The following RARS1 variants were observed in gnomAD, a reference collection of about 807,000 sequenced individuals.
The protein encoded by RARS1 is arginyl-tRNA synthetase 1, also known as arginine--tRNA ligase, cytoplasmic.
Under a neutral mutation model 78.7 loss-of-function variants are expected in RARS1, and 75 were observed. That is an observed-to-expected ratio of 0.95 (90% confidence interval 0.79 to 1.15). The LOEUF (loss-of-function observed/expected upper bound fraction) is 1.15, where lower values mean the gene tolerates loss of function less well. RARS1 is among the 50% of genes most tolerant of loss of function. The probability of loss-of-function intolerance (pLI) is 0.00; values close to 1 mark genes in which losing one functional copy is unlikely to be tolerated. For synonymous variants in RARS1, 273 were observed against 268.2 expected (o/e 1.02, Z -0.18); for missense variants, 787 against 787.5 (o/e 1.00, Z 0.01).
chr5:168,487,039 A>G (rs997502533), intron 1 of RARS1, among the ~76,000 whole-genome samples: 3 of 152,008 alleles, frequency 2.0e-5, no homozygotes, highest in African/African-American at 7.2e-5. Context: ...TGCCCTCAGC[A>G]TTCGTCGGGA....
intron 3 of RARS1, among the ~76,000 whole-genome samples, 155 bp from the exon 4 acceptor site, chr5:168,493,739 A>G (rs1758130286): frequency 6.6e-6 from 1 of 151,978 alleles, no homozygotes; most frequent in African/African-American, 2.4e-5. Context: ...CACTATTGAT[A>G]CTTTAATCTG....
At position 168,506,668 on chromosome 5, in the gene RARS1, C is replaced by CTT. The variant is rs34318878; in HGVS notation, c.1237-44_1237-43dup. The CTT allele has an allele frequency of 5.3e-3, 6,004 of 1,127,148 alleles. 4 individuals are homozygous for CTT. The highest frequency in any genetic ancestry group is 0.014 in the Middle Eastern group (68 of 4,710). The allele number at this position is 1,127,148 out of a possible 1,614,324, so 69.8% of individuals were successfully genotyped here. ...ATTCCTAAGCAAAAGAGCCTTAAGTCTTTTTTTTTTTCTTTAAAGAAGACT... is the reference window on the plus strand; with the variant it reads ...ATTCCTAAGCAAAAGAGCCTTAAGTCTTTTTTTTTTTTTCTTTAAAGAAGACT... On this transcript the variant is annotated intron_variant, in intron 10 of 14. Transcript: ENST00000231572.
chr5:168,514,544 TA>T (rs1758626678), intron 12 of RARS1, among the ~76,000 whole-genome samples: 1 of 152,222 alleles, frequency 6.6e-6, no homozygotes, highest in Non-Finnish European at 1.5e-5. Flanking sequence ...TAGTTTTCTT[TA>T]AACATTTTAA....
intron 7 of RARS1, among the ~76,000 whole-genome samples, chr5:168,499,343 G>A (rs1351543859): frequency 6.6e-6 from 1 of 152,086 alleles, no homozygotes; most frequent in African/African-American, 2.4e-5. Flanking sequence ...ATTCCCTATG[G>A]TGGAAGGATC....
chr5:168,490,512 C>T (rs1758061256), intron 2 of RARS1, among the ~76,000 whole-genome samples: 1 of 152,184 alleles, frequency 6.6e-6, no homozygotes, highest in East Asian at 1.9e-4. Flanking sequence ...GGAGAATGCT[C>T]TCACTGTATT....
intron 1 of RARS1, 112 bp downstream of exon 1, chr5:168,486,655 T>G: frequency 3.5e-6 from 4 of 1,152,022 alleles, no homozygotes; most frequent in Non-Finnish European, 5.0e-6. Context: ...CCTGGTCCTC[T>G]CAGAGTGGAG....
At chr5:168,492,428 T>C (rs1251764311) in intron 2 of RARS1, among the ~76,000 whole-genome samples, 2 of 152,164 alleles carry the variant, frequency 1.3e-5, no homozygotes, top group Non-Finnish European at 2.9e-5. Context: ...CTAAAACAAA[T>C]GCAAAAAGTA....
At chr5:168,493,803 G>T (rs778499423) in intron 3 of RARS1, 91 bp from the exon 4 acceptor site, 22 of 954,898 alleles carry the variant, frequency 2.3e-5, no homozygotes, top group Non-Finnish European at 3.6e-5. Context: ...GGTTCTTAAC[G>T]TAAAATGCAT....
At chr5:168,494,510 A>G (rs766340059) in intron 4 of RARS1, 40 bp from the exon 5 acceptor site, 4 of 1,603,810 alleles carry the variant, frequency 2.5e-6, no homozygotes, top group Non-Finnish European at 3.4e-6. Flanking sequence ...ATTATTCAAG[A>G]TAAGACAGTA....
At position 168,502,014 on chromosome 5, in the gene RARS1, C is replaced by G. The variant is rs1423844608; in HGVS notation, c.966C>G (p.Ile322Met). ...TTTCTTCCCTAGAGTTAAATAAAAT[C>G]TATGATGCATTGGACGTCTCTTTAA... ...CDVSRQELNK[I>M]YDALDVSLIE... The change falls in exon 9 of 15, where the codon ATC (isoleucine) becomes ATG (methionine). Residue 322 changes from isoleucine (I) to methionine (M), a missense_variant. Transcript: ENST00000231572. 6.3e-7 allele frequency: 1 copy of G among 1,585,926 alleles called. No homozygotes were observed. The highest frequency in any genetic ancestry group is 1.2e-5 in the South Asian group (1 of 83,872).
At chr5:168,504,025 C>T (rs1758381602) in intron 9 of RARS1, among the ~76,000 whole-genome samples, 1 of 148,988 alleles carries the variant, frequency 6.7e-6, no homozygotes, top group African/African-American at 2.5e-5. Context: ...CACACCACTG[C>T]ACTACAGCCT....
At chr5:168,504,500 C>T (rs150172338) in intron 9 of RARS1, among the ~76,000 whole-genome samples, 18,922 of 125,812 alleles carry the variant, frequency 0.15, 1,661 homozygotes, top group Non-Finnish European at 0.21. Context: ...TCCAGCCTGG[C>T]GACAAAGCAA....
At chr5:168,506,621 G>T in intron 10 of RARS1, 101 bp from the exon 11 acceptor site, 1 of 836,258 alleles carries the variant, frequency 1.2e-6, no homozygotes, top group Non-Finnish European at 1.9e-6. Context: ...AGATTTATGA[G>T]CGATTTGAAT....
intron 2 of RARS1, among the ~76,000 whole-genome samples, chr5:168,490,397 G>T (rs6898877): frequency 6.6e-6 from 1 of 152,020 alleles, no homozygotes; most frequent in Admixed American, 6.6e-5. Context: ...CGAACTCCTC[G>T]CCTCAAGTAA....
At position 168,494,565 on chromosome 5, in the gene RARS1, A is replaced by C. The variant is rs758619668; in HGVS notation, c.494A>C (p.His165Pro). The change falls in exon 5 of 15, where the codon CAC (histidine) becomes CCC (proline). Residue 165 changes from histidine to proline, a missense_variant. Physicochemically the swap from His to Pro is moderately conservative, Grantham distance 77. Coordinates refer to ENST00000231572, the MANE Select transcript of RARS1 (RefSeq NM_002887.4). ...EIAGPGFINV[H>P]LRKDFVSEQL... is the part of the protein sequence containing the mutation. ...TATCCATTAGGTTTTATTAATGTCC[A>C]CTTAAGAAAGGATTTTGTATCAGAA... 6.2e-7 allele frequency: 1 copy of C among 1,610,364 alleles called. No individual in the cohort carries two copies. The highest frequency in any genetic ancestry group is 8.5e-7 in the Non-Finnish European group (1 of 1,176,678).
chr5:168,518,984 G>A, intron 14 of RARS1, 97 bp from the exon 15 acceptor site: 1 of 897,930 alleles, frequency 1.1e-6, no homozygotes, highest in Non-Finnish European at 1.8e-6. Context: ...GTTGGACTAT[G>A]CACTTCTAAC....
intron 12 of RARS1, 84 bp downstream of exon 12, chr5:168,510,770 T>C (rs566052698): frequency 3.2e-6 from 3 of 940,034 alleles, no homozygotes; most frequent in Admixed American, 6.1e-5. Context: ...TGAGGAGAAG[T>C]GTGAGGAGTC....
At position 168,519,199 on chromosome 5, in the gene RARS1, A is replaced by ATG; in HGVS notation, c.*9_*10insTG. ...CTGTCCAAAGGATGTAATCCTTCAT[A>ATG]GGTTTGAACACTGTGTGTTTTTACC... On this transcript the variant is annotated 3_prime_UTR_variant, in exon 15 of 15. Coordinates refer to ENST00000231572, the MANE Select transcript of RARS1 (RefSeq NM_002887.4). 5 of 1,599,468 alleles carry ATG rather than the reference A, an allele frequency of 3.1e-6. No homozygotes were observed. The highest frequency in any genetic ancestry group is 4.3e-6 in the Non-Finnish European group (5 of 1,168,232).
chr5:168,497,221 G>T lies in RARS1; in HGVS notation c.702-7G>T. The T allele has an allele frequency of 1.3e-6, 2 of 1,506,846 alleles. No homozygotes were observed. The highest frequency in any genetic ancestry group is 2.4e-5 in the Admixed American group (1 of 42,146). 93.3% of individuals were successfully genotyped at this position (1,506,846 alleles called of 1,614,324 possible). ...AAAATGATTATATATTCTCTGATTG[G>T]TGTTAGGTTAAATCATGTAGGAGAC... On this transcript the variant is annotated splice_polypyrimidine_tract_variant and splice_region_variant and intron_variant, in intron 6 of 14. Coordinates refer to ENST00000231572, the MANE Select transcript of RARS1 (RefSeq NM_002887.4).
Sources: gnomAD v4.1 joint callset for allele counts (sites outside exome capture counted in the v4.1 genomes callset) on GRCh38, gnomAD v4.1.1 for gene constraint, MANE v1.5 for transcripts, NCBI Gene and HGNC (gene_info 2026-07-23, HGNC 2026-07-21) for gene names.